Variants in PCDHGA8 observed in about 807,000 individuals in gnomAD.
PCDHGA8 encodes protocadherin gamma subfamily A, 8.
Under a neutral mutation model 59.2 loss-of-function variants are expected in PCDHGA8, and 45 were observed. That is an observed-to-expected ratio of 0.76 (90% CI 0.60 to 0.98). The LOEUF (loss-of-function observed/expected upper bound fraction) is 0.98, where lower values mean the gene tolerates loss of function less well. PCDHGA8 is among the 50% of genes least tolerant of loss of function. The pLI, the probability that PCDHGA8 is intolerant of heterozygous loss-of-function variation, is 0.00. For synonymous variants in PCDHGA8, 531 were observed against 519.0 expected (o/e 1.02, Z -0.32); for missense variants, 1,257 against 1,196.2 (o/e 1.05, Z -0.75).
intron 1 of PCDHGA8, chr5:141,410,849 C>CTTTTGTTTTTTTTTTTTTTTTTT (rs2095432564): frequency 7.7e-6 from 1 of 129,786 alleles, no homozygotes; most frequent in Non-Finnish European, 1.3e-5. Flanking sequence ...TTGTCTTTGT[C>CTTTTGTTTTTTTTTTTTTTTTTT]TTTTTTTTTT....
In PCDHGA8 at chr5:141,477,292, A is replaced by G; in HGVS notation, c.2425-17515A>G. The G allele has an allele frequency of 1.2e-6, 2 of 1,614,114 alleles. No individual in the cohort carries two copies. The highest frequency in any genetic ancestry group is 4.5e-5 in the East Asian group (2 of 44,862). On this transcript the variant is annotated intron_variant, in intron 1 of 3. Transcript: ENST00000398604. The surrounding 1 kb of genome is among the most constrained non-coding windows in gnomAD (Gnocchi z 4.9). ...ACGGGCTGGTGACCTGCGAAGTTCCACCGGGTCTCCCTTTCAGCCTTACTT... is the reference window on the plus strand; with the variant it reads ...ACGGGCTGGTGACCTGCGAAGTTCCGCCGGGTCTCCCTTTCAGCCTTACTT...
chr5:141,441,671 C>T (rs1027440120), intron 1 of PCDHGA8: 1 of 287,648 alleles, frequency 3.5e-6, no homozygotes, highest in African/African-American at 2.3e-5. Flanking sequence ...GCGCACAGTG[C>T]GCCTTCGACC....
At chr5:141,447,773 T>C (rs2098551408) in intron 1 of PCDHGA8, among the ~76,000 whole-genome samples, 1 of 152,202 alleles carries the variant, frequency 6.6e-6, no homozygotes, top group African/African-American at 2.4e-5. Context: ...AATTATACTT[T>C]AATTGAAAAT....
intron 1 of PCDHGA8, among the ~76,000 whole-genome samples, chr5:141,483,767 T>C (rs2099586826): frequency 6.6e-6 from 1 of 151,840 alleles, no homozygotes; most frequent in Non-Finnish European, 1.5e-5. Flanking sequence ...CTTGGAAAAA[T>C]ATTGGGGAAG....
rs1012728568 is a variant in PCDHGA8 at position 141,495,487 on chromosome 5, T to C, written c.2483+622T>C. Among the ~76,000 whole-genome samples, 22 of 152,328 alleles carry C rather than the reference T, an allele frequency of 1.4e-4. 1 individual carries two copies. The East Asian group carries it at 4.1e-3, about 28-fold the overall frequency. ...GGGGTCTCCGTGTCTCTGCCCCTTT[T>C]TCTTGAGTTTCCGTCTTTGCCACTT... On this transcript the variant is annotated intron_variant, in intron 2 of 3. Coordinates refer to ENST00000398604, the MANE Select transcript of PCDHGA8 (RefSeq NM_032088.2).
intron 1 of PCDHGA8, chr5:141,424,664 A>T (rs923488035): frequency 6.6e-6 from 1 of 152,124 alleles, no homozygotes; most frequent in African/African-American, 2.4e-5. Flanking sequence ...CTTTAATTAA[A>T]CTGATTTAGC....
In PCDHGA8 at chr5:141,476,606, G is replaced by A; in HGVS notation, c.2425-18201G>A. 1 of 1,614,244 alleles carries A rather than the reference G, an allele frequency of 6.2e-7. No homozygotes were observed. Among genetic ancestry groups the A allele is most frequent in the Non-Finnish European group, 8.5e-7 (1 of 1,180,046 alleles). Reference sequence around the variant, plus strand: ...GCTCGAGAGCGCGCACGATCCCGATGTGGGAAGCAACTCTTTACAAACCTA... The same window carrying A: ...GCTCGAGAGCGCGCACGATCCCGATATGGGAAGCAACTCTTTACAAACCTA... On this transcript the variant is annotated intron_variant, in intron 1 of 3. Transcript: ENST00000398604. The surrounding 1 kb of genome is among the most constrained non-coding windows in gnomAD (Gnocchi z 7.6).
chr5:141,446,256 T>C lies in PCDHGA8; in HGVS notation c.2425-48551T>C, dbSNP rs535879308. On this transcript the variant is annotated intron_variant, in intron 1 of 3. Transcript: ENST00000398604. Reference sequence around the variant, plus strand: ...CAAGTGGTAGATCTTCAGTGAAATATTATTAACTGAATAAATACAATGGAT... The same window carrying C: ...CAAGTGGTAGATCTTCAGTGAAATACTATTAACTGAATAAATACAATGGAT... Among the ~76,000 whole-genome samples the C allele has an allele frequency of 2.0e-5, 3 of 152,310 alleles. No homozygotes were observed. The East Asian group carries it at 5.8e-4, about 29-fold the overall frequency.
At position 141,454,796 on chromosome 5, in the gene PCDHGA8, A is replaced by ATTTTTTTTTTTTTTTTTTTT. The variant is rs61612330; in HGVS notation, c.2425-40001_2425-39982dup. Among the ~76,000 whole-genome samples, 20 of 77,456 alleles carry ATTTTTTTTTTTTTTTTTTTT rather than the reference A, an allele frequency of 2.6e-4. 2 individuals carry two copies. Among genetic ancestry groups the ATTTTTTTTTTTTTTTTTTTT allele is most frequent in the South Asian group, 5.1e-4 (1 of 1,960 alleles). The allele number at this position is 77,456 out of a possible 152,430, so 50.8% of individuals were successfully genotyped here. On this transcript the variant is annotated intron_variant, in intron 1 of 3. Transcript: ENST00000398604. Reference sequence around the variant, plus strand: ...AAGGAAATAATCCTCCATGGTTCTAATTTTTTTTTTTTTTTTTTTTTTTTT... The same window carrying ATTTTTTTTTTTTTTTTTTTT: ...AAGGAAATAATCCTCCATGGTTCTAATTTTTTTTTTTTTTTTTTTTTTTTTTTTTTTTTTTTTTTTTTTTT...
rs779984453 is a variant in PCDHGA8 at position 141,394,782 on chromosome 5, A to T, written c.1969A>T (p.Thr657Ser). 6.2e-7 allele frequency: 1 copy of T among 1,613,558 alleles called. No individual in the cohort carries two copies. The change falls in exon 1 of 4, where the codon ACT (threonine) becomes TCT (serine). Residue 657 changes from threonine (T) to serine (S), a missense_variant. Thr to Ser is a moderately conservative substitution (Grantham distance 58, BLOSUM62 1). Transcript: ENST00000398604. Reference protein sequence around the residue: ...QDHGQPPLSATVTLTVAVADS... With the variant: ...QDHGQPPLSASVTLTVAVADS... ...CCATGGCCAGCCCCCTCTCTCCGCC[A>T]CTGTCACGCTCACCGTAGCCGTGGC...
chr5:141,419,842 C>A, intron 1 of PCDHGA8: 1 of 1,614,074 alleles, frequency 6.2e-7, no homozygotes, highest in South Asian at 1.1e-5. Flanking sequence ...CCACGCTGCA[C>A]CTGGTGTTCG....
chr5:141,495,470 C>A (rs2099761615), intron 2 of PCDHGA8, among the ~76,000 whole-genome samples: 1 of 152,196 alleles, frequency 6.6e-6, no homozygotes, highest in African/African-American at 2.4e-5. Flanking sequence ...GTGGGGTCTC[C>A]GTGTCTCTGC....
intron 1 of PCDHGA8, among the ~76,000 whole-genome samples, chr5:141,402,781 T>G (rs1456317365): frequency 1.3e-5 from 2 of 152,200 alleles, no homozygotes; most frequent in Non-Finnish European, 2.9e-5. Context: ...GATTTCCAGT[T>G]CTGCGGCTAC....
At position 141,489,258 on chromosome 5, in the gene PCDHGA8, C is replaced by T. The variant is rs1594800449; in HGVS notation, c.2425-5549C>T. 3.2e-6 allele frequency: 5 copies of T among 1,551,530 alleles called. No individual in the cohort carries two copies. Among genetic ancestry groups the T allele is most frequent in the African/African-American group, 1.4e-5 (1 of 73,276 alleles). On this transcript the variant is annotated intron_variant, in intron 1 of 3. Coordinates refer to ENST00000398604, the MANE Select transcript of PCDHGA8 (RefSeq NM_032088.2). This position sits in a 1 kb window ranked among gnomAD's most constrained non-coding sequence, Gnocchi z 4.5. Reference sequence around the variant, plus strand: ...TCTGGGTCATGGGGCCCAAGACACTCCCACAGCTCGCTGGGAAATGGCAAG... The same window carrying T: ...TCTGGGTCATGGGGCCCAAGACACTTCCACAGCTCGCTGGGAAATGGCAAG...
At chr5:141,414,897 C>G in intron 1 of PCDHGA8, 1 of 1,614,230 alleles carries the variant, frequency 6.2e-7, no homozygotes, top group Non-Finnish European at 8.5e-7. Flanking sequence ...TCCCCACAGA[C>G]GGTTCCACAG....
At position 141,432,902 on chromosome 5, in the gene PCDHGA8, A is replaced by C. The variant is rs992417865; in HGVS notation, c.2424+37665A>C. The C allele has an allele frequency of 1.2e-6, 2 of 1,614,028 alleles. No homozygotes were observed. The highest frequency in any genetic ancestry group is 2.7e-5 in the African/African-American group (2 of 74,924). On this transcript the variant is annotated intron_variant, in intron 1 of 3. Coordinates refer to ENST00000398604, the MANE Select transcript of PCDHGA8 (RefSeq NM_032088.2). The surrounding 1 kb of genome is among the most constrained non-coding windows in gnomAD (Gnocchi z 6.0). ...CTTCGTCATCTTGCTGCTGGCGCTCAGGCTGCGGCGCTGGCACAAGTCACG... is the reference window on the plus strand; with the variant it reads ...CTTCGTCATCTTGCTGCTGGCGCTCCGGCTGCGGCGCTGGCACAAGTCACG...
chr5:141,421,092 C>T, intron 1 of PCDHGA8: 1 of 663,988 alleles, frequency 1.5e-6, no homozygotes, highest in Non-Finnish European at 2.5e-6. Flanking sequence ...CAGATCCTGA[C>T]ACTGGAGACT....
Position 141,493,508 on chromosome 5 carries a change from C to T in PCDHGA8, c.2425-1299C>T, listed in dbSNP as rs2099748607. 1.3e-5 allele frequency among the ~76,000 whole-genome samples: 2 copies of T among 152,284 alleles called. No homozygotes were observed. The highest frequency in any genetic ancestry group is 4.1e-4 in the South Asian group (2 of 4,820). On this transcript the variant is annotated intron_variant, in intron 1 of 3. Transcript: ENST00000398604. The surrounding 1 kb of genome is among the most constrained non-coding windows in gnomAD (Gnocchi z 4.3). Reference sequence around the variant, plus strand: ...TCTTCTGTGGCTCCTCATTTCTGAGCAGTCCCCGCAGCGCAAACTTGGCCA... The same window carrying T: ...TCTTCTGTGGCTCCTCATTTCTGAGTAGTCCCCGCAGCGCAAACTTGGCCA...
In PCDHGA8 at chr5:141,432,654, T is replaced by C. The variant is rs2097525297; in HGVS notation, c.2424+37417T>C. ...GGCGAGGTGCGCACGGCGCGAGCCC[T>C]GCTGGACAGAGACGCGCTCAAGCAG... is the stretch of plus-strand genomic sequence containing the variant. On this transcript the variant is annotated intron_variant, in intron 1 of 3. Transcript: ENST00000398604. This position sits in a 1 kb window ranked among gnomAD's most constrained non-coding sequence, Gnocchi z 6.0. The C allele has an allele frequency of 1.2e-6, 2 of 1,613,816 alleles. No homozygotes were observed. Among genetic ancestry groups the C allele is most frequent in the African/African-American group, 1.3e-5 (1 of 75,034 alleles).
Sources: allele counts gnomAD v4.1 joint callset (sites outside exome capture counted in the v4.1 genomes callset), GRCh38; gene constraint gnomAD v4.1.1; non-coding constraint Gnocchi (gnomAD v3.1); transcripts MANE v1.5; gene names NCBI Gene and HGNC (gene_info 2026-07-23, HGNC 2026-07-21).